Variants in BPTF observed in about 807,000 individuals in gnomAD.
The protein encoded by BPTF is bromodomain PHD finger transcription factor.
Under a neutral mutation model 292.5 loss-of-function variants are expected in BPTF, and 18 were observed. The ratio of observed to expected loss-of-function variants is 0.06; its 90% CI spans 0.04 to 0.09. BPTF has a LOEUF of 0.09. Ranked by LOEUF, BPTF falls within the 10% of genes least tolerant of loss-of-function variation. BPTF has a pLI of 1.00. For missense variants in BPTF, 2,726 were observed against 3,498.7 expected, an observed-to-expected ratio of 0.78 and a Z score of 5.57; for synonymous variants, 1,225 against 1,251.9, an observed-to-expected ratio of 0.98 and a Z score of 0.45.
chr17:67,859,300 C>T (rs1413253116), intron 2 of BPTF, among the ~76,000 whole-genome samples: 2 of 152,120 alleles, frequency 1.3e-5, no homozygotes, highest in South Asian at 2.1e-4. Flanking sequence ...CATGTGCCAC[C>T]GTGCCCAGCT....
chr17:67,908,962 G>A (rs1474763261), intron 9 of BPTF, among the ~76,000 whole-genome samples: 1 of 150,880 alleles, frequency 6.6e-6, no homozygotes, highest in East Asian at 2.0e-4. Flanking sequence ...AGCCTCCTGA[G>A]TAGCTGAGAT....
intron 14 of BPTF, among the ~76,000 whole-genome samples, chr17:67,924,226 A>G (rs911809115): frequency 6.6e-6 from 1 of 152,176 alleles, no homozygotes; most frequent in Non-Finnish European, 1.5e-5. Flanking sequence ...AAATGATGGG[A>G]TTACAGGCAT....
At position 67,913,030 on chromosome 17, in the gene BPTF, A is replaced by C; in HGVS notation, c.5146A>C (p.Ser1716Arg). ...PSYRKFVTKS[S>R]KKSIFVLPND... Reference sequence around the variant, plus strand: ...CTATAGAAAATTTGTTACCAAGAGCAGCAAGAAGAGCATTTTTGTTTTGCC... The same window carrying C: ...CTATAGAAAATTTGTTACCAAGAGCCGCAAGAAGAGCATTTTTGTTTTGCC... Residue 1716 changes from serine (S) to arginine (R), a missense_variant, in exon 11 of 28, where the codon AGC (serine) becomes CGC (arginine). Around this residue, in one of 22 missense-constraint regions of BPTF, gnomAD observed 24 missense variants for 57.5 expected, o/e 0.42. Transcript: ENST00000306378. 1 of 1,614,234 alleles carries C rather than the reference A, an allele frequency of 6.2e-7. No homozygotes were observed. Among genetic ancestry groups the C allele is most frequent in the Non-Finnish European group, 8.5e-7 (1 of 1,180,036 alleles).
At chr17:67,876,414 G>A (rs1225667544) in intron 4 of BPTF, among the ~76,000 whole-genome samples, 1 of 152,138 alleles carries the variant, frequency 6.6e-6, no homozygotes, top group Non-Finnish European at 1.5e-5. Flanking sequence ...AGTTTAACAG[G>A]GCGCTACAGA....
intron 7 of BPTF, 115 bp downstream of exon 7, chr17:67,894,280 G>A: frequency 1.8e-6 from 2 of 1,102,822 alleles, no homozygotes; most frequent in Admixed American, 2.3e-5. Context: ...CTTTACTTTT[G>A]GCCTCATTTT....
chr17:67,943,777 A>G (rs913832251), intron 19 of BPTF, among the ~76,000 whole-genome samples: 3 of 152,250 alleles, frequency 2.0e-5, no homozygotes, highest in East Asian at 3.8e-4. Context: ...GGCAGTATCT[A>G]TGAAGATGCT....
Position 67,946,068 on chromosome 17 carries a change from G to A in BPTF, c.7360G>A (p.Ala2454Thr). 6.2e-7 allele frequency: 1 copy of A among 1,614,160 alleles called. No individual in the cohort carries two copies. Among genetic ancestry groups the A allele is most frequent in the South Asian group, 1.1e-5 (1 of 91,080 alleles). ...VLSQIQSQVV[A>T]QIQAQQSGVP... is the part of the protein sequence containing the mutation. ...CTCTCAGATCCAGTCACAGGTTGTG[G>A]CTCAGATACAGGCTCAGCAAAGTGG... The change falls in exon 21 of 28, where the codon GCT (alanine) becomes ACT (threonine). Residue 2454 changes from alanine (A) to threonine (T), a missense_variant. By Grantham distance (58) the Ala-to-Thr change is moderately conservative. Around this residue, in one of 22 missense-constraint regions of BPTF, gnomAD observed 570 missense variants for 633.5 expected, o/e 0.90. Coordinates refer to ENST00000306378, the MANE Select transcript of BPTF (RefSeq NM_182641.4).
intron 22 of BPTF, 135 bp downstream of exon 22, chr17:67,947,943 A>T: frequency 8.1e-7 from 1 of 1,241,114 alleles, no homozygotes; most frequent in Non-Finnish European, 1.1e-6. Flanking sequence ...ATAGTTACTC[A>T]TAACTGGTTT....
intron 2 of BPTF, among the ~76,000 whole-genome samples, chr17:67,862,001 A>G (rs1324149360): frequency 6.6e-6 from 1 of 152,150 alleles, no homozygotes; most frequent in Non-Finnish European, 1.5e-5. Context: ...TTTTGATACA[A>G]GTCTCACTCT....
chr17:67,907,249 A>G (rs1598569099), intron 9 of BPTF, among the ~76,000 whole-genome samples: 2 of 135,518 alleles, frequency 1.5e-5, no homozygotes, highest in Non-Finnish European at 3.1e-5. Flanking sequence ...CTGTTTTGGG[A>G]GGCTTGATTT....
At chr17:67,919,218 T>A (rs113663538) in intron 12 of BPTF, among the ~76,000 whole-genome samples, 3,244 of 125,988 alleles carry the variant, frequency 0.026, 4 homozygotes, top group African/African-American at 0.054. Flanking sequence ...ATAATAATAA[T>A]AAAATATAAT....
chr17:67,830,583 TC>T (rs2143790248), intron 1 of BPTF, among the ~76,000 whole-genome samples: 1 of 147,246 alleles, frequency 6.8e-6, no homozygotes, highest in Admixed American at 6.7e-5. Context: ...GGCATACACT[TC>T]CTGGATGGGC....
chr17:67,960,029 C>T lies in BPTF; in HGVS notation c.8261+154C>T, dbSNP rs999402746. The T allele has an allele frequency of 5.0e-6, 3 of 599,262 alleles. No individual in the cohort carries two copies. The East Asian group carries it at 9.2e-5, about 18-fold the overall frequency. The allele number at this position is 599,262 out of a possible 1,614,324, so 37.1% of individuals were successfully genotyped here. ...CATGGTCTTGCATGTGATATTCTTACCATTGACGCTAGTAAAGTAAAATTT... is the reference window on the plus strand; with the variant it reads ...CATGGTCTTGCATGTGATATTCTTATCATTGACGCTAGTAAAGTAAAATTT... On this transcript the variant is annotated intron_variant, in intron 24 of 27. Transcript: ENST00000306378.
intron 2 of BPTF, among the ~76,000 whole-genome samples, chr17:67,864,766 T>C (rs368883313): frequency 1.3e-5 from 2 of 152,254 alleles, no homozygotes; most frequent in Admixed American, 1.3e-4. Flanking sequence ...TTTGGAATAT[T>C]TGCATTATAC....
intron 1 of BPTF, among the ~76,000 whole-genome samples, chr17:67,829,658 C>G (rs2056479186): frequency 6.6e-6 from 1 of 151,960 alleles, no homozygotes; most frequent in African/African-American, 2.4e-5. Flanking sequence ...AGTTTTAGAA[C>G]TGGTTTAAGA....
chr17:67,918,559 A>G (rs2063212979), intron 11 of BPTF, among the ~76,000 whole-genome samples, 155 bp from the exon 12 acceptor site: 1 of 152,240 alleles, frequency 6.6e-6, no homozygotes, highest in African/African-American at 2.4e-5. Flanking sequence ...TTTAAAGGAC[A>G]TATAATACCA....
chr17:67,886,157 A>G, intron 4 of BPTF: 1 of 1,607,552 alleles, frequency 6.2e-7, no homozygotes, highest in South Asian at 1.1e-5. Flanking sequence ...TGAGAGCAGT[A>G]ACACTAGTGC....
Position 67,893,630 on chromosome 17 carries a change from C to T in BPTF, c.2316C>T (p.Ser772=), listed in dbSNP as rs747752511. 1.9e-6 allele frequency: 3 copies of T among 1,611,614 alleles called. No individual in the cohort carries two copies. The highest frequency in any genetic ancestry group is 1.7e-6 in the Non-Finnish European group (2 of 1,177,838). ...AATGGAACGGTTCTGTCCATGGGTC[C>T]AAAGTTCTTACCATATCTACTCTGA... The part of the protein sequence containing the change: ...EFKWNGSVHG[S]KVLTISTLRL... The change falls in exon 6 of 28, where the codon TCC becomes TCT. Residue 772 remains serine, a synonymous_variant. Transcript: ENST00000306378.
intron 4 of BPTF, among the ~76,000 whole-genome samples, chr17:67,885,393 G>A (rs1267866997): frequency 1.3e-5 from 2 of 152,188 alleles, no homozygotes; most frequent in Non-Finnish European, 2.9e-5. Context: ...AGCCCAGCCT[G>A]GCCAACATGG....
Sources: gnomAD v4.1 joint callset for allele counts (sites outside exome capture counted in the v4.1 genomes callset) on GRCh38, gnomAD v4.1.1 for gene constraint, gnomAD v4.1.1 regional missense constraint, MANE v1.5 for transcripts, NCBI Gene and HGNC (gene_info 2026-07-23, HGNC 2026-07-21) for gene names.